MROH1: variants seen among roughly 807,000 people sequenced by gnomAD.
MROH1 encodes maestro heat like repeat family member 1.
MROH1 carries 117 observed loss-of-function variants against 116.5 expected under a neutral mutation model. That is an observed-to-expected ratio of 1.00 (90% CI 0.86 to 1.17). MROH1 has a LOEUF of 1.17. Ranked by LOEUF, MROH1 falls within the 50% of genes most tolerant of loss-of-function variation. MROH1 has a pLI of 0.00. For synonymous variants in MROH1, 921 were observed against 583.9 expected (o/e 1.58, Z -8.32); for missense variants, 1,873 against 1,338.5 (o/e 1.40, Z -6.23).
chr8:144,242,571 G>A (rs1452988323), intron 23 of MROH1, 31 bp from the exon 24 acceptor site: 14 of 780,126 alleles, frequency 1.8e-5, no homozygotes, highest in Middle Eastern at 2.2e-4. Flanking sequence ...GGGGAGTCAC[G>A]TCTTAACTCA....
Position 144,179,577 on chromosome 8 carries a change from C to G in MROH1, c.291C>G (p.Thr97=). The change falls in exon 5 of 44, where the codon ACC becomes ACG. Residue 97 remains threonine (T), a synonymous_variant. Coordinates refer to ENST00000326134, the MANE Select transcript of MROH1 (RefSeq NM_032450.3). Reference sequence around the variant, plus strand: ...TCCTCCTGGCCTCCAGCGAGATGACCAAGACGAAGGTATTCAGCAGGCCCT... The same window carrying G: ...TCCTCCTGGCCTCCAGCGAGATGACGAAGACGAAGGTATTCAGCAGGCCCT... ...TIILLASSEM[T]KTKDLVWDWQ... The G allele has an allele frequency of 6.2e-7, 1 of 1,609,492 alleles. No homozygotes were observed. Among genetic ancestry groups the G allele is most frequent in the Non-Finnish European group, 8.5e-7 (1 of 1,178,246 alleles).
chr8:144,253,697 A>G (rs895093332), intron 33 of MROH1, among the ~76,000 whole-genome samples: 1 of 151,702 alleles, frequency 6.6e-6, no homozygotes, highest in Non-Finnish European at 1.5e-5. Context: ...TTCCCACCAC[A>G]AGGATCAGTG....
At chr8:144,210,757 T>C (rs1190208959) in intron 12 of MROH1, among the ~76,000 whole-genome samples, 2 of 152,166 alleles carry the variant, frequency 1.3e-5, no homozygotes, top group African/African-American at 2.4e-5. Flanking sequence ...TGTATAAATA[T>C]ATTTTTACAT....
At chr8:144,207,555 G>T (rs1191973305) in intron 12 of MROH1, among the ~76,000 whole-genome samples, 2 of 152,114 alleles carry the variant, frequency 1.3e-5, no homozygotes, top group African/African-American at 4.8e-5. Flanking sequence ...ACCCAGGCTA[G>T]AGTGCAGTTC....
In MROH1 at chr8:144,255,672, C is replaced by T. The variant is rs1843605952; in HGVS notation, c.3758C>T (p.Pro1253Leu). ...GCCCAGGAAAGGAGGGGTGCCAGTC[C>T]AGCCCTAGCCACCAGGAACCTGGAA... ...LQAQERRGAS[P>L]ALATRNLEPC... Residue 1253 changes from proline to leucine, a missense_variant, in exon 35 of 44, where the codon CCA becomes CTA. Physicochemically the swap from Pro to Leu is moderately conservative, Grantham distance 98 (BLOSUM62 -3). Coordinates refer to ENST00000326134, the MANE Select transcript of MROH1 (RefSeq NM_032450.3). The T allele has an allele frequency of 2.6e-6, 2 of 765,216 alleles. No individual in the cohort carries two copies. The highest frequency in any genetic ancestry group is 2.4e-6 in the Non-Finnish European group (1 of 411,502). 47.4% of individuals were successfully genotyped at this position (765,216 alleles called of 1,614,324 possible).
rs867675874 is a variant in MROH1 at position 144,220,623 on chromosome 8, C to A, written c.1165C>A (p.Pro389Thr). ...SAAAQMEDKKPFILSSMRLPL... is the reference protein window; with the variant it reads ...SAAAQMEDKKTFILSSMRLPL... ...AGCTGCTCAGATGGAAGATAAAAAG[C>A]CCTTTATCCTGTCTTCCATGAGGCT... Residue 389 changes from proline (P) to threonine (T), a missense_variant, in exon 13 of 44, where the codon CCC (proline) becomes ACC (threonine). Transcript: ENST00000326134. 6.3e-7 allele frequency: 1 copy of A among 1,579,046 alleles called. No homozygotes were observed. The highest frequency in any genetic ancestry group is 8.6e-7 in the Non-Finnish European group (1 of 1,162,452).
chr8:144,250,547 G>A, intron 33 of MROH1, 181 bp downstream of exon 33: 1 of 673,972 alleles, frequency 1.5e-6, no homozygotes, highest in Non-Finnish European at 2.7e-6. Flanking sequence ...GGTACCCACG[G>A]GGACCTCTCC....
chr8:144,199,137 G>C lies in MROH1; in HGVS notation c.964G>C (p.Glu322Gln), dbSNP rs746322565. 6.2e-7 allele frequency: 1 copy of C among 1,613,800 alleles called. No homozygotes were observed. Among genetic ancestry groups the C allele is most frequent in the Non-Finnish European group, 8.5e-7 (1 of 1,179,816 alleles). Reference protein sequence around the residue: ...ALHSQICVPVESSSPLVMSNQ... With the variant: ...ALHSQICVPVQSSSPLVMSNQ... ...CCTGGAGCAGATCTGTGTGCCTGTG[G>C]AGTCCTCAAGCCCCCTGGTGATGAG... is the stretch of plus-strand genomic sequence containing the variant. The change falls in exon 11 of 44, where the codon GAG (glutamate) becomes CAG (glutamine). Residue 322 changes from glutamate to glutamine, a missense_variant. By Grantham distance (29) the Glu-to-Gln change is conservative. Coordinates refer to ENST00000326134, the MANE Select transcript of MROH1 (RefSeq NM_032450.3).
chr8:144,177,517 C>A (rs574221431), intron 4 of MROH1, among the ~76,000 whole-genome samples: 3 of 152,344 alleles, frequency 2.0e-5, no homozygotes, highest in Admixed American at 6.5e-5. Flanking sequence ...GCCGGTAGCA[C>A]TTCTCCTATG....
chr8:144,220,356 A>G (rs932368912), intron 12 of MROH1, among the ~76,000 whole-genome samples: 1 of 152,168 alleles, frequency 6.6e-6, no homozygotes, highest in African/African-American at 2.4e-5. Flanking sequence ...TACCTGACTC[A>G]GGCCCATTCT....
intron 14 of MROH1, 44 bp downstream of exon 14, chr8:144,223,274 C>T (rs1397063610): frequency 1.9e-6 from 3 of 1,558,256 alleles, no homozygotes; most frequent in Admixed American, 1.9e-5. Flanking sequence ...CCACGCTGCC[C>T]CTGGCCTGTG....
intron 30 of MROH1, 32 bp from the exon 31 acceptor site, chr8:144,247,535 G>A (rs1842109249): frequency 1.3e-6 from 1 of 763,168 alleles, no homozygotes; most frequent in African/African-American, 1.7e-5. Context: ...GGGAGGGCCT[G>A]GGCCCGACTG....
Position 144,250,269 on chromosome 8 carries a change from G to T in MROH1, c.3331G>T (p.Val1111Phe), listed in dbSNP as rs1052859902. 3.4e-5 allele frequency: 26 copies of T among 767,610 alleles called. No individual in the cohort carries two copies. Among genetic ancestry groups the T allele is most frequent in the Non-Finnish European group, 5.3e-5 (22 of 416,314 alleles). The allele number at this position is 767,610 out of a possible 1,614,324, so 47.5% of individuals were successfully genotyped here. Reference protein sequence around the residue: ...SKLQEAQGEHVLPAAQHSVYL... With the variant: ...SKLQEAQGEHFLPAAQHSVYL... ...GCTTCAGGAGGCCCAGGGAGAGCAC[G>T]TCCTGCCGGCCGCCCAGCACAGCGT... The change falls in exon 33 of 44, where the codon GTC (valine) becomes TTC (phenylalanine). Residue 1111 changes from valine (V) to phenylalanine (F), a missense_variant. By Grantham distance (50) the Val-to-Phe change is conservative (BLOSUM62 -1). Transcript: ENST00000326134.
chr8:144,207,226 T>C (rs559268107), intron 12 of MROH1, among the ~76,000 whole-genome samples: 113 of 151,630 alleles, frequency 7.5e-4, no homozygotes, highest in African/African-American at 2.6e-3. Flanking sequence ...TCGTGCTCTG[T>C]CACCAAGCCG....
chr8:144,254,798 C>G lies in MROH1; in HGVS notation c.3429-15C>G. ...CCAGCCACGGCCTCAAAGTGACTCT[C>G]CTGCTCTGCTCCAGCCACACCTGCA... On this transcript the variant is annotated splice_polypyrimidine_tract_variant and intron_variant, in intron 33 of 43. Transcript: ENST00000326134. 1 of 774,102 alleles carries G rather than the reference C, an allele frequency of 1.3e-6. No individual in the cohort carries two copies. Among genetic ancestry groups the G allele is most frequent in the Non-Finnish European group, 2.4e-6 (1 of 416,486 alleles). 48.0% of individuals were successfully genotyped at this position (774,102 alleles called of 1,614,324 possible).
At chr8:144,161,889 G>A (rs906485259) in intron 2 of MROH1, among the ~76,000 whole-genome samples, 5 of 152,044 alleles carry the variant, frequency 3.3e-5, no homozygotes, top group Admixed American at 6.6e-5. Flanking sequence ...CAGCTTCTCC[G>A]CCTCCCAGCT....
intron 12 of MROH1, among the ~76,000 whole-genome samples, chr8:144,212,800 A>G (rs1054878552): frequency 1.3e-5 from 2 of 151,996 alleles, no homozygotes; most frequent in Non-Finnish European, 2.9e-5. Context: ...CATGTTGGCC[A>G]GACTGATCTT....
rs115481797 is a variant in MROH1, at chr8:144,163,504, C to G, written c.-56-267C>G. 0.038 allele frequency among the ~76,000 whole-genome samples: 5,729 copies of G among 152,196 alleles called. 392 individuals carry two copies. The highest frequency in any genetic ancestry group is 0.13 in the African/African-American group (5,407 of 41,500). On this transcript the variant is annotated intron_variant, in intron 2 of 43. Transcript: ENST00000326134. This position sits in a 1 kb window ranked among gnomAD's most constrained non-coding sequence, Gnocchi z 4.4. The stretch of plus-strand genomic sequence containing the variant: ...TGGGGCTGATGGTGACGAGGTGACA[C>G]TGTGGGCCAGCTGTGGACAAGCCTG...
intron 1 of MROH1, among the ~76,000 whole-genome samples, chr8:144,155,629 G>A (rs972981333): frequency 1.2e-4 from 18 of 150,708 alleles, no homozygotes; most frequent in Non-Finnish European, 2.2e-4. Flanking sequence ...GTTTTTCTTA[G>A]GTGTTTTTCT....
Sources: allele counts gnomAD v4.1 joint callset (sites outside exome capture counted in the v4.1 genomes callset), GRCh38; gene constraint gnomAD v4.1.1; non-coding constraint Gnocchi (gnomAD v3.1); transcripts MANE v1.5; gene names NCBI Gene and HGNC (gene_info 2026-07-23, HGNC 2026-07-21).